OTUD7A: variants seen among roughly 807,000 people sequenced by gnomAD.
The protein encoded by OTUD7A is OTU domain-containing protein 7A.
OTUD7A carries 12 observed loss-of-function variants against 65.7 expected under a neutral mutation model. That is an observed-to-expected ratio of 0.18 (90% CI 0.12 to 0.30). OTUD7A has a LOEUF of 0.30. Ranked by LOEUF, OTUD7A falls within the 10% of genes least tolerant of loss-of-function variation. OTUD7A has a pLI of 1.00. For synonymous variants in OTUD7A, 641 were observed against 586.3 expected (o/e 1.09, Z -1.35); for missense variants, 1,148 against 1,304.8 (o/e 0.88, Z 1.85).
At chr15:31,855,067 T>A (rs1897533944) in intron 1 of OTUD7A, among the ~76,000 whole-genome samples, 1 of 152,026 alleles carries the variant, frequency 6.6e-6, no homozygotes, top group Non-Finnish European at 1.5e-5. Context: ...TGCATATAAT[T>A]AACATTCTTG....
intron 1 of OTUD7A, among the ~76,000 whole-genome samples, chr15:31,775,740 G>A (rs1459162765): frequency 6.6e-6 from 1 of 152,324 alleles, no homozygotes; most frequent in Middle Eastern, 3.4e-3. Flanking sequence ...GAAGGAATGA[G>A]TGTAGACATG....
Position 31,483,389 on chromosome 15 carries a change from C to T in OTUD7A, c.2707G>A (p.Ala903Thr), listed in dbSNP as rs746820823. 7.6e-5 allele frequency: 101 copies of T among 1,333,194 alleles called. 1 individual carries two copies. In the South Asian group the frequency reaches 1.5e-3, roughly 19 times the overall value. The allele number at this position is 1,333,194 out of a possible 1,614,324, so 82.6% of individuals were successfully genotyped here. A position where few individuals can be genotyped will look rare whatever the true frequency, so the allele number is the denominator to read the frequency against. The change falls in exon 13 of 13, where the codon GCG becomes ACG. Residue 903 changes from alanine (A) to threonine (T), a missense_variant. By Grantham distance (58) the Ala-to-Thr change is moderately conservative. This residue lies in a region of OTUD7A where 842 missense variants were observed against 769.5 expected (regional missense o/e 1.09). Coordinates refer to ENST00000307050, the MANE Select transcript of OTUD7A (RefSeq NM_001382637.1). ...VQRRCQRENC[A>T]FYGRAETEHY... Reference sequence around the variant, plus strand: ...TCGGTCTCGGCGCGCCCGTAGAACGCACAGTTCTCGCGCTGGCAGCGCCGC... The same window carrying T: ...TCGGTCTCGGCGCGCCCGTAGAACGTACAGTTCTCGCGCTGGCAGCGCCGC...
intron 1 of OTUD7A, among the ~76,000 whole-genome samples, chr15:31,846,949 G>A (rs578084524): frequency 6.6e-6 from 1 of 152,338 alleles, no homozygotes; most frequent in African/African-American, 2.4e-5. Flanking sequence ...ATTTAGGATA[G>A]ACTAAATTTA....
At chr15:31,581,506 GACACCC>G (rs1415149487) in intron 3 of OTUD7A, among the ~76,000 whole-genome samples, 3 of 152,248 alleles carry the variant, frequency 2.0e-5, no homozygotes, top group Admixed American at 1.3e-4. Flanking sequence ...CTTTTGCATG[GACACCC>G]ATGCATTTCC....
intron 1 of OTUD7A, among the ~76,000 whole-genome samples, chr15:31,797,057 A>G (rs1446534637): frequency 6.6e-6 from 1 of 152,182 alleles, no homozygotes; most frequent in Non-Finnish European, 1.5e-5. Flanking sequence ...TTGCACTTGC[A>G]CAAGCATGGG....
intron 3 of OTUD7A, among the ~76,000 whole-genome samples, chr15:31,633,686 C>G (rs1415918128): frequency 1.3e-5 from 2 of 152,230 alleles, no homozygotes; most frequent in Non-Finnish European, 2.9e-5. Flanking sequence ...CCACCCTTCA[C>G]TCACAGCATG....
intron 1 of OTUD7A, among the ~76,000 whole-genome samples, chr15:31,677,758 C>T (rs1368666871): frequency 1.3e-5 from 2 of 152,192 alleles, no homozygotes; most frequent in East Asian, 3.8e-4. Flanking sequence ...TCAGGCAGTT[C>T]TTTATAGCAG....
At chr15:31,594,127 G>A (rs1889835696) in intron 3 of OTUD7A, among the ~76,000 whole-genome samples, 1 of 152,300 alleles carries the variant, frequency 6.6e-6, no homozygotes, top group South Asian at 2.1e-4. Context: ...GAAGCCAACT[G>A]TCAAAATGAA....
At chr15:31,509,774 A>C (rs933701682) in intron 8 of OTUD7A, among the ~76,000 whole-genome samples, 1 of 151,500 alleles carries the variant, frequency 6.6e-6, no homozygotes, top group African/African-American at 2.4e-5. Flanking sequence ...TTTTGCATAA[A>C]TTTTTTTTAT....
intron 1 of OTUD7A, among the ~76,000 whole-genome samples, chr15:31,838,439 C>T (rs973924621): frequency 6.6e-6 from 1 of 152,084 alleles, no homozygotes; most frequent in Non-Finnish European, 1.5e-5. Flanking sequence ...TCTACCTCTC[C>T]ACATTCAATC....
chr15:31,808,136 C>CACAAAAAAAA (rs772574742), intron 1 of OTUD7A, among the ~76,000 whole-genome samples: 75 of 119,506 alleles, frequency 6.3e-4, no homozygotes, highest in East Asian at 1.7e-3. Flanking sequence ...CACACACACA[C>CACAAAAAAAA]AAACAAATCC....
intron 6 of OTUD7A, 121 bp downstream of exon 6, chr15:31,530,586 T>A (rs2042072935): frequency 1.1e-6 from 1 of 874,512 alleles, no homozygotes; most frequent in African/African-American, 1.7e-5. Context: ...CTCATGACAG[T>A]GACATGGGTG....
intron 1 of OTUD7A, among the ~76,000 whole-genome samples, chr15:31,768,436 A>G (rs1895145237): frequency 6.6e-6 from 1 of 152,146 alleles, no homozygotes; most frequent in Non-Finnish European, 1.5e-5. Flanking sequence ...AGCCAGGTGG[A>G]TCGCTTGAGC....
chr15:31,674,834 C>T (rs1892561277), intron 1 of OTUD7A, among the ~76,000 whole-genome samples: 1 of 152,160 alleles, frequency 6.6e-6, no homozygotes, highest in South Asian at 2.1e-4. Flanking sequence ...CAAGTCCACC[C>T]ACCATTCTGG....
chr15:31,590,661 T>A (rs1429326819), intron 3 of OTUD7A, among the ~76,000 whole-genome samples: 2 of 152,236 alleles, frequency 1.3e-5, no homozygotes, highest in Non-Finnish European at 1.5e-5. Context: ...ACACACTCCA[T>A]ATCTTATAAA....
At chr15:31,674,518 T>C (rs1352327791) in intron 1 of OTUD7A, among the ~76,000 whole-genome samples, 1 of 152,290 alleles carries the variant, frequency 6.6e-6, no homozygotes, top group African/African-American at 2.4e-5. Flanking sequence ...GCAGACTGAA[T>C]CTTGGTTTAT....
chr15:31,565,912 G>T (rs1888853319), intron 4 of OTUD7A, among the ~76,000 whole-genome samples: 1 of 152,158 alleles, frequency 6.6e-6, no homozygotes, highest in African/African-American at 2.4e-5. Flanking sequence ...TATATTTCAG[G>T]CCGGGCACGG....
chr15:31,797,472 C>G (rs994952177), intron 1 of OTUD7A, among the ~76,000 whole-genome samples: 1 of 152,188 alleles, frequency 6.6e-6, no homozygotes, highest in African/African-American at 2.4e-5. Context: ...CTGTTTCTGG[C>G]TTTGCTCTCA....
intron 3 of OTUD7A, among the ~76,000 whole-genome samples, chr15:31,600,367 A>T (rs917560048): frequency 6.6e-6 from 1 of 152,244 alleles, no homozygotes; most frequent in Non-Finnish European, 1.5e-5. Context: ...ACTAAGCTTC[A>T]TAAGTGAAGG....
Sources: allele counts gnomAD v4.1 joint callset (sites outside exome capture counted in the v4.1 genomes callset), GRCh38; gene constraint gnomAD v4.1.1; regional missense constraint gnomAD v4.1.1; transcripts MANE v1.5; gene names NCBI Gene and HGNC (gene_info 2026-07-23, HGNC 2026-07-21).